MYO6: variants seen among roughly 807,000 people sequenced by gnomAD.
MYO6 encodes the protein unconventional myosin-VI.
In MYO6, 74 loss-of-function variants were observed where a neutral mutation model predicts 178.7. The ratio of observed to expected loss-of-function variants is 0.41; its 90% CI spans 0.34 to 0.50. The LOEUF is 0.50. MYO6 is among the 20% of genes least tolerant of loss of function. The probability of loss-of-function intolerance (pLI) is 0.09; values close to 1 mark genes in which losing one functional copy is unlikely to be tolerated. For missense variants in MYO6, 1,330 were observed against 1,547.4 expected, an observed-to-expected ratio of 0.86 and a Z score of 2.36; for synonymous variants, 477 against 504.6, an observed-to-expected ratio of 0.95 and a Z score of 0.73.
intron 7 of MYO6, among the ~76,000 whole-genome samples, chr6:75,839,267 C>T (rs570735059): frequency 1.3e-5 from 2 of 152,186 alleles, no homozygotes; most frequent in East Asian, 1.9e-4. Flanking sequence ...CGGCTCGCTG[C>T]AAGCTCTGCC....
At chr6:75,842,387 GA>G (rs1235833488) in intron 9 of MYO6, among the ~76,000 whole-genome samples, 2 of 152,322 alleles carry the variant, frequency 1.3e-5, no homozygotes, top group Non-Finnish European at 2.9e-5. Flanking sequence ...CGTCTGTATA[GA>G]GTTCCCCAGC....
intron 9 of MYO6, 47 bp from the exon 10 acceptor site, chr6:75,844,850 C>A: frequency 6.9e-7 from 1 of 1,451,642 alleles, no homozygotes; most frequent in South Asian, 1.1e-5. Context: ...TGTATTATTT[C>A]CCTGTGGATC....
In MYO6 at chr6:75,834,820, T is replaced by G. The variant is rs558492124; in HGVS notation, c.498-1081T>G. Among the ~76,000 whole-genome samples, 33 of 152,336 alleles carry G rather than the reference T, an allele frequency of 2.2e-4. 1 individual carries two copies. In the South Asian group the frequency reaches 6.8e-3, roughly 32 times the overall value. On this transcript the variant is annotated intron_variant, in intron 6 of 34. Transcript: ENST00000369977. ...TGTTAACAGCTGTTATATATATGTG[T>G]ATATATACATACACACAATTCTGGT...
intron 1 of MYO6, among the ~76,000 whole-genome samples, chr6:75,774,260 A>G (rs911781640): frequency 6.6e-6 from 1 of 152,144 alleles, no homozygotes; most frequent in South Asian, 2.1e-4. Context: ...AATGGTATAT[A>G]TTTTTCTAGG....
chr6:75,846,663 A>G (rs1455456888), intron 10 of MYO6, among the ~76,000 whole-genome samples: 2 of 152,142 alleles, frequency 1.3e-5, no homozygotes, highest in African/African-American at 2.4e-5. Flanking sequence ...ATATCAAAAT[A>G]TAGTAGCTAT....
chr6:75,896,234 A>T (rs1247611164), intron 29 of MYO6, among the ~76,000 whole-genome samples: 6 of 152,224 alleles, frequency 3.9e-5, no homozygotes, highest in Non-Finnish European at 8.8e-5. Flanking sequence ...TAAATGATGC[A>T]ACCTATGTAA....
chr6:75,906,289 G>A (rs949089336), intron 30 of MYO6, among the ~76,000 whole-genome samples: 1 of 152,164 alleles, frequency 6.6e-6, no homozygotes, highest in African/African-American at 2.4e-5. Context: ...TCTGCTATTT[G>A]CAAGTGTAAT....
At chr6:75,825,421 TG>T (rs1772361312) in intron 3 of MYO6, among the ~76,000 whole-genome samples, 1 of 152,130 alleles carries the variant, frequency 6.6e-6, no homozygotes, top group Non-Finnish European at 1.5e-5. Context: ...GGTGAAACCC[TG>T]TCTCTACTAA....
intron 1 of MYO6, among the ~76,000 whole-genome samples, chr6:75,778,528 C>T (rs1766619998): frequency 6.6e-6 from 1 of 151,480 alleles, no homozygotes; most frequent in African/African-American, 2.4e-5. Context: ...ACCCGGGAGG[C>T]GGAGCTTGCA....
chr6:75,908,363 T>A (rs949152283), intron 31 of MYO6, 133 bp from the exon 32 acceptor site: 2 of 784,034 alleles, frequency 2.6e-6, no homozygotes, highest in Non-Finnish European at 2.1e-6. Context: ...TATGAATAAT[T>A]AGCTTACTTT....
In MYO6 at chr6:75,886,921, A is replaced by G. The variant is rs1298048652; in HGVS notation, c.2585A>G (p.Asp862Gly). The G allele has an allele frequency of 1.2e-6, 2 of 1,613,862 alleles. No homozygotes were observed. Among genetic ancestry groups the G allele is most frequent in the Admixed American group, 3.3e-5 (2 of 60,016 alleles). ...AATGAGGTAGTCAGTGTGTTGAAAG[A>G]TGGAAAACCCGAGATGAATAAACAG... ...KFNEVVSVLKDGKPEMNKQIK... is the reference protein window; with the variant it reads ...KFNEVVSVLKGGKPEMNKQIK... The change falls in exon 25 of 35, where the codon GAT becomes GGT. Residue 862 changes from aspartate (D) to glycine (G), a missense_variant. Physicochemically the swap from Asp to Gly is moderately conservative, Grantham distance 94. Coordinates refer to ENST00000369977, the MANE Select transcript of MYO6 (RefSeq NM_004999.4).
At chr6:75,903,100 A>C (rs1779956251) in intron 30 of MYO6, among the ~76,000 whole-genome samples, 1 of 152,166 alleles carries the variant, frequency 6.6e-6, no homozygotes, top group African/African-American at 2.4e-5. Context: ...ATAGTTTGTT[A>C]TAATTTCTCT....
intron 2 of MYO6, among the ~76,000 whole-genome samples, chr6:75,820,661 G>A (rs1416753573): frequency 1.3e-5 from 2 of 152,114 alleles, no homozygotes; most frequent in Non-Finnish European, 2.9e-5. Context: ...GTGAGCCACC[G>A]CACCTGGCCA....
intron 1 of MYO6, among the ~76,000 whole-genome samples, chr6:75,795,993 C>T (rs1474106843): frequency 2.0e-5 from 3 of 152,138 alleles, no homozygotes; most frequent in Non-Finnish European, 4.4e-5. Flanking sequence ...AATCTGTATA[C>T]ATAAAGAATT....
chr6:75,842,166 A>G (rs996423077), intron 9 of MYO6, among the ~76,000 whole-genome samples: 3 of 151,952 alleles, frequency 2.0e-5, no homozygotes, highest in Non-Finnish European at 4.4e-5. Context: ...CTCTTGATCA[A>G]CTTAGATGTG....
intron 1 of MYO6, among the ~76,000 whole-genome samples, chr6:75,755,037 C>T (rs1436375501): frequency 6.6e-6 from 1 of 151,834 alleles, no homozygotes; most frequent in Non-Finnish European, 1.5e-5. Flanking sequence ...TTGAGAACAG[C>T]CTGGGCAACA....
chr6:75,865,423 G>A (rs1298529317), intron 16 of MYO6: 1 of 142,296 alleles, frequency 7.0e-6, no homozygotes, highest in Non-Finnish European at 1.5e-5. Context: ...GAGTGCAGTG[G>A]TTCTTTCTTG....
intron 11 of MYO6, among the ~76,000 whole-genome samples, chr6:75,853,850 G>A (rs1775502541): frequency 6.6e-6 from 1 of 152,002 alleles, no homozygotes; most frequent in Non-Finnish European, 1.5e-5. Flanking sequence ...TTAATCGTTA[G>A]TACTTTCTCT....
At chr6:75,763,304 G>A (rs563905564) in intron 1 of MYO6, among the ~76,000 whole-genome samples, 23 of 152,210 alleles carry the variant, frequency 1.5e-4, no homozygotes, top group Non-Finnish European at 2.8e-4. Context: ...GATTACAGGC[G>A]TGAGCCACTG....
Sources: allele counts gnomAD v4.1 joint callset (sites outside exome capture counted in the v4.1 genomes callset), GRCh38; gene constraint gnomAD v4.1.1; transcripts MANE v1.5; gene names NCBI Gene and HGNC (gene_info 2026-07-23, HGNC 2026-07-21).